The following FRRS1L variants were observed in gnomAD, a reference collection of about 807,000 sequenced individuals.
FRRS1L encodes ferric chelate reductase 1 like.
FRRS1L carries 22 observed loss-of-function variants against 28.6 expected under a neutral mutation model. That is an observed-to-expected ratio of 0.77 (90% CI 0.55 to 1.10). The LOEUF is 1.10. FRRS1L is among the 50% of genes least tolerant of loss of function. FRRS1L has a pLI of 0.00. For synonymous variants in FRRS1L, 158 were observed against 151.4 expected (o/e 1.04, Z -0.32); for missense variants, 380 against 386.9 (o/e 0.98, Z 0.15).
At position 109,167,072 on chromosome 9, in the gene FRRS1L, G is replaced by A. The variant is rs1376588708; in HGVS notation, c.67C>T (p.Pro23Ser). Residue 23 changes from proline to serine, a missense_variant, in exon 1 of 5, where the codon CCC (proline) becomes TCC (serine). Coordinates refer to ENST00000561981, the MANE Select transcript of FRRS1L (RefSeq NM_014334.4). The part of the protein sequence containing the change: ...ASLLLLLLTG[P>S]AACAASPADD... The stretch of plus-strand genomic sequence containing the variant: ...GCGGGGCTGGCTGCGCAGGCGGCGG[G>A]CCCCGTCAGTAGCAGCAGGAGCAGC... The A allele has an allele frequency of 1.7e-6, 2 of 1,178,486 alleles. No individual in the cohort carries two copies. Among genetic ancestry groups the A allele is most frequent in the African/African-American group, 1.6e-5 (1 of 61,474 alleles). 73.0% of individuals were successfully genotyped at this position (1,178,486 alleles called of 1,614,324 possible).
chr9:109,158,462 G>GA (rs200822301), intron 1 of FRRS1L, among the ~76,000 whole-genome samples: 4 of 151,684 alleles, frequency 2.6e-5, no homozygotes, highest in African/African-American at 9.7e-5. Context: ...ATTCCAAGAA[G>GA]AACCCCTGTA....
At chr9:109,149,766 G>T in intron 1 of FRRS1L, 46 bp from the exon 2 acceptor site, 1 of 1,249,898 alleles carries the variant, frequency 8.0e-7, no homozygotes, top group Non-Finnish European at 1.2e-6. Flanking sequence ...AGTAACAACT[G>T]TTCCAATGAG....
In FRRS1L at chr9:109,147,171, A is replaced by G; in HGVS notation, c.342T>C (p.Cys114=). ...KGCFRYGKPG[C]NAETCDYFLS... is the part of the protein sequence containing the mutation. ...GGAAATAGTCACAGGTCTCTGCATT[A>G]CAGCCTGGTTTGCCATATCTAGAAG... The change falls in exon 3 of 5, where the codon TGT becomes TGC. Residue 114 remains cysteine, a synonymous_variant. Transcript: ENST00000561981. 2 of 1,613,752 alleles carry G rather than the reference A, an allele frequency of 1.2e-6. No individual in the cohort carries two copies. Among genetic ancestry groups the G allele is most frequent in the South Asian group, 1.1e-5 (1 of 91,068 alleles).
intron 1 of FRRS1L, among the ~76,000 whole-genome samples, chr9:109,162,232 T>C (rs1450994450): frequency 6.6e-6 from 1 of 152,142 alleles, no homozygotes; most frequent in African/African-American, 2.4e-5. Flanking sequence ...ATGAGCATCA[T>C]TTGAACCTAG....
rs181055844 is a variant in FRRS1L at position 109,164,794 on chromosome 9, C to T, written c.238+2107G>A. Reference sequence around the variant, plus strand: ...CAGAATGGTGGGGGCGCGAAGCAGACACACTAGGGATCGGTACAAAGCCCT... The same window carrying T: ...CAGAATGGTGGGGGCGCGAAGCAGATACACTAGGGATCGGTACAAAGCCCT... On this transcript the variant is annotated intron_variant, in intron 1 of 4. Coordinates refer to ENST00000561981, the MANE Select transcript of FRRS1L (RefSeq NM_014334.4). Among the ~76,000 whole-genome samples the T allele has an allele frequency of 1.6e-3, 250 of 152,302 alleles. 1 individual carries two copies. The highest frequency in any genetic ancestry group is 5.7e-3 in the African/African-American group (238 of 41,570).
intron 4 of FRRS1L, 160 bp from the exon 5 acceptor site, chr9:109,137,787 A>G: frequency 2.5e-6 from 1 of 399,832 alleles, no homozygotes; most frequent in Non-Finnish European, 4.4e-6. Flanking sequence ...AGAATTCTCT[A>G]TCATTGTACA....
Position 109,159,861 on chromosome 9 carries a change from G to A in FRRS1L, c.238+7040C>T, listed in dbSNP as rs1425532503. 4.6e-5 allele frequency among the ~76,000 whole-genome samples: 7 copies of A among 152,192 alleles called. 1 individual carries two copies. The highest frequency in any genetic ancestry group is 2.1e-4 in the South Asian group (1 of 4,804). On this transcript the variant is annotated intron_variant, in intron 1 of 4. Coordinates refer to ENST00000561981, the MANE Select transcript of FRRS1L (RefSeq NM_014334.4). ...CTCATCTCTGGGTCTCCAGCCTGCC[G>A]ACCCAACCTGCAGACTGTGGAACCT... is the stretch of plus-strand genomic sequence containing the variant.
At chr9:109,141,318 T>C (rs1294251686) in intron 4 of FRRS1L, 25 bp downstream of exon 4, 1 of 1,612,652 alleles carries the variant, frequency 6.2e-7, no homozygotes, top group Non-Finnish European at 8.5e-7. Flanking sequence ...TGGCGTTTAA[T>C]CCAGATGCTG....
At chr9:109,158,583 A>G (rs999182565) in intron 1 of FRRS1L, among the ~76,000 whole-genome samples, 1 of 152,244 alleles carries the variant, frequency 6.6e-6, no homozygotes, top group Non-Finnish European at 1.5e-5. Context: ...CAATGGAATC[A>G]TACAACATGT....
chr9:109,143,799 G>T (rs1831220021), intron 3 of FRRS1L, among the ~76,000 whole-genome samples: 2 of 152,038 alleles, frequency 1.3e-5, no homozygotes, highest in African/African-American at 2.4e-5. Context: ...GTGAGCCACT[G>T]CGCCCGGCTA....
chr9:109,149,547 A>C, intron 2 of FRRS1L, 89 bp downstream of exon 2: 1 of 851,746 alleles, frequency 1.2e-6, no homozygotes, highest in South Asian at 1.6e-5. Flanking sequence ...AGGCCCCCTG[A>C]TTAGAAGGAA....
At chr9:109,158,330 T>C (rs1246976879) in intron 1 of FRRS1L, among the ~76,000 whole-genome samples, 2 of 152,224 alleles carry the variant, frequency 1.3e-5, no homozygotes, top group East Asian at 3.8e-4. Flanking sequence ...CTTTCATTTT[T>C]AGTAAGCTCT....
At chr9:109,144,052 C>T (rs2118475026) in intron 3 of FRRS1L, among the ~76,000 whole-genome samples, 1 of 152,230 alleles carries the variant, frequency 6.6e-6, no homozygotes, top group Admixed American at 6.5e-5. Context: ...CTTAACAGCC[C>T]TACCACGAGT....
Position 109,137,522 on chromosome 9 carries a change from A to C in FRRS1L, c.815T>G (p.Phe272Cys), listed in dbSNP as rs751914199. The C allele has an allele frequency of 6.2e-7, 1 of 1,613,506 alleles. No individual in the cohort carries two copies. Among genetic ancestry groups the C allele is most frequent in the Non-Finnish European group, 8.5e-7 (1 of 1,179,556 alleles). ...IFMPSAAYQT[F>C]SSPFCLLLIV... ...CAGAAGCAAACAAAATGGAGATGAG[A>C]AGGTTTGATAGGCAGCTGATGGCAT... Residue 272 changes from phenylalanine to cysteine, a missense_variant, in exon 5 of 5, where the codon TTC becomes TGC. Phe to Cys is a radical substitution (Grantham distance 205). Coordinates refer to ENST00000561981, the MANE Select transcript of FRRS1L (RefSeq NM_014334.4).
Position 109,143,026 on chromosome 9 carries a change from TAA to T in FRRS1L, c.463-1439_463-1438del, listed in dbSNP as rs1379244342. Among the ~76,000 whole-genome samples the T allele has an allele frequency of 7.2e-5, 11 of 152,164 alleles. No homozygotes were observed. In the East Asian group the frequency reaches 1.9e-3, roughly 27 times the overall value. ...TTTTTCAAAACAAGTTTAAAAAAGT[TAA>T]AAGAGTTTGGTCGGGTGTGATGGCT... On this transcript the variant is annotated intron_variant, in intron 3 of 4. Coordinates refer to ENST00000561981, the MANE Select transcript of FRRS1L (RefSeq NM_014334.4).
chr9:109,156,741 T>C (rs1831414221), intron 1 of FRRS1L, among the ~76,000 whole-genome samples: 1 of 146,190 alleles, frequency 6.8e-6, no homozygotes, highest in Non-Finnish European at 1.5e-5. Flanking sequence ...CAGGCTGGAG[T>C]GCACTGGCAC....
At chr9:109,142,522 G>A (rs1353421773) in intron 3 of FRRS1L, among the ~76,000 whole-genome samples, 4 of 152,074 alleles carry the variant, frequency 2.6e-5, no homozygotes, top group Non-Finnish European at 5.9e-5. Flanking sequence ...AAAATAAAAT[G>A]GTCAATTCTG....
intron 2 of FRRS1L, chr9:109,148,317 A>G (rs1407105925): frequency 6.6e-6 from 1 of 152,156 alleles, no homozygotes; most frequent in Non-Finnish European, 1.5e-5. Flanking sequence ...TGCTAATATA[A>G]TTACAAATTC....
chr9:109,147,594 G>A (rs970408522), intron 2 of FRRS1L: 1 of 155,860 alleles, frequency 6.4e-6, no homozygotes, highest in Admixed American at 6.5e-5. Context: ...CATTTAAATT[G>A]TTTCTGTTAA....
Sources: gnomAD v4.1 joint callset for allele counts (sites outside exome capture counted in the v4.1 genomes callset) on GRCh38, gnomAD v4.1.1 for gene constraint, MANE v1.5 for transcripts, NCBI Gene and HGNC (gene_info 2026-07-23, HGNC 2026-07-21) for gene names.